Variants in ARHGAP24 observed in about 807,000 individuals in gnomAD.
ARHGAP24 encodes the protein Rho GTPase activating protein 24, also known as rho GTPase-activating protein 24.
ARHGAP24 carries 50 observed loss-of-function variants against 76.4 expected under a neutral mutation model. That is an observed-to-expected ratio of 0.65 (90% CI 0.52 to 0.83). The LOEUF is 0.83. ARHGAP24 is among the 40% of genes least tolerant of loss of function. The pLI is 0.00. For missense variants in ARHGAP24, 930 were observed against 914.2 expected (o/e 1.02, Z -0.22); for synonymous variants, 345 against 323.3 (o/e 1.07, Z -0.72).
chr4:85,736,387 A>AGAAG (rs970610452), intron 3 of ARHGAP24, among the ~76,000 whole-genome samples: 8 of 152,020 alleles, frequency 5.3e-5, no homozygotes, highest in Admixed American at 2.6e-4. Flanking sequence ...AAAGAAAGAA[A>AGAAG]GAAGGAAGGA....
intron 2 of ARHGAP24, among the ~76,000 whole-genome samples, chr4:85,662,631 T>C (rs1164103172): frequency 1.3e-5 from 2 of 152,008 alleles, no homozygotes; most frequent in African/African-American, 2.4e-5. Flanking sequence ...GGTTTTCTTC[T>C]AGGGTTTTTA....
At chr4:85,835,728 C>A (rs956054679) in intron 3 of ARHGAP24, among the ~76,000 whole-genome samples, 1 of 151,682 alleles carries the variant, frequency 6.6e-6, no homozygotes, top group Non-Finnish European at 1.5e-5. Flanking sequence ...CTCTGTTGCC[C>A]GGGCAGGAGT....
chr4:85,963,003 T>A (rs1035594519), intron 5 of ARHGAP24, among the ~76,000 whole-genome samples: 1 of 152,022 alleles, frequency 6.6e-6, no homozygotes, highest in African/African-American at 2.4e-5. Context: ...AATATATATG[T>A]ATCTGTATGT....
chr4:85,992,028 T>G (rs1439621356), intron 8 of ARHGAP24: 1 of 395,750 alleles, frequency 2.5e-6, no homozygotes, highest in Non-Finnish European at 4.5e-6. Flanking sequence ...CTGTATAAAA[T>G]TATATGGTTC....
intron 3 of ARHGAP24, among the ~76,000 whole-genome samples, chr4:85,894,993 ACAAAAAGC>A (rs1560701739): frequency 1.8e-4 from 4 of 22,164 alleles, no homozygotes; most frequent in Non-Finnish European, 2.9e-4. Flanking sequence ...AAAAAACAAA[ACAAAAAGC>A]AAAAAAAAAA....
chr4:85,855,719 A>G (rs1006125323), intron 3 of ARHGAP24, among the ~76,000 whole-genome samples: 1 of 151,706 alleles, frequency 6.6e-6, no homozygotes, highest in Admixed American at 6.6e-5. Flanking sequence ...TGGAGGTTGC[A>G]GTGATCTGAG....
intron 3 of ARHGAP24, among the ~76,000 whole-genome samples, chr4:85,899,473 T>C (rs530371637): frequency 2.6e-5 from 4 of 152,318 alleles, no homozygotes; most frequent in South Asian, 4.1e-4. Context: ...TTTTATTACG[T>C]AGAAACAGAA....
At chr4:85,737,412 G>T (rs1182105346) in intron 3 of ARHGAP24, among the ~76,000 whole-genome samples, 2 of 152,130 alleles carry the variant, frequency 1.3e-5, no homozygotes, top group Admixed American at 6.5e-5. Context: ...TACTACTGTT[G>T]GGATGACTCT....
intron 1 of ARHGAP24, among the ~76,000 whole-genome samples, chr4:85,508,594 A>G (rs763140960): frequency 1.6e-4 from 25 of 152,166 alleles, no homozygotes; most frequent in Non-Finnish European, 2.8e-4. Context: ...GCTCTGATAA[A>G]TCTTGTGTAA....
At chr4:85,957,260 A>G (rs1358463111) in intron 5 of ARHGAP24, among the ~76,000 whole-genome samples, 1 of 152,180 alleles carries the variant, frequency 6.6e-6, no homozygotes, top group Non-Finnish European at 1.5e-5. Flanking sequence ...AAATGTATTC[A>G]CAGTTTTCTT....
chr4:85,815,296 C>T (rs1445143306), intron 3 of ARHGAP24, among the ~76,000 whole-genome samples: 3 of 152,162 alleles, frequency 2.0e-5, no homozygotes, highest in Non-Finnish European at 4.4e-5. Flanking sequence ...TGAATTTCTC[C>T]TCAGAAAATT....
chr4:85,887,747 T>C (rs1214539415), intron 3 of ARHGAP24, among the ~76,000 whole-genome samples: 1 of 152,198 alleles, frequency 6.6e-6, no homozygotes, highest in Non-Finnish European at 1.5e-5. Flanking sequence ...TGATCTGAAA[T>C]ACTAAAGAAT....
intron 1 of ARHGAP24, among the ~76,000 whole-genome samples, chr4:85,563,385 C>T (rs930414859): frequency 7.9e-5 from 12 of 152,174 alleles, no homozygotes; most frequent in Non-Finnish European, 1.5e-4. Flanking sequence ...GTTCTGAAGC[C>T]TCTTTTCTTG....
At chr4:85,891,355 T>A (rs2148779549) in intron 3 of ARHGAP24, among the ~76,000 whole-genome samples, 1 of 130,656 alleles carries the variant, frequency 7.7e-6, no homozygotes, top group South Asian at 3.0e-4. Context: ...CTTTATTTCC[T>A]TCTCCTGCCT....
chr4:85,815,297 T>C (rs1729190442), intron 3 of ARHGAP24, among the ~76,000 whole-genome samples: 1 of 152,204 alleles, frequency 6.6e-6, no homozygotes, highest in Non-Finnish European at 1.5e-5. Context: ...GAATTTCTCC[T>C]CAGAAAATTG....
chr4:85,693,135 A>C (rs1163701970), intron 2 of ARHGAP24, among the ~76,000 whole-genome samples: 1 of 152,170 alleles, frequency 6.6e-6, no homozygotes, highest in Non-Finnish European at 1.5e-5. Flanking sequence ...TGTCCAGTAA[A>C]TAGGCTCAAA....
chr4:85,919,021 G>A (rs1382796440), intron 3 of ARHGAP24, among the ~76,000 whole-genome samples: 1 of 152,162 alleles, frequency 6.6e-6, no homozygotes, highest in African/African-American at 2.4e-5. Context: ...AAAGTAGAAT[G>A]TGTACTTGTT....
chr4:85,872,231 A>C (rs904168549), intron 3 of ARHGAP24, among the ~76,000 whole-genome samples: 2 of 152,028 alleles, frequency 1.3e-5, no homozygotes, highest in African/African-American at 2.4e-5. Flanking sequence ...TCTTATATTT[A>C]CATTAGGGAG....
intron 3 of ARHGAP24, among the ~76,000 whole-genome samples, chr4:85,813,145 A>G (rs1729083299): frequency 6.6e-6 from 1 of 152,220 alleles, no homozygotes. Flanking sequence ...ATTGCTCATC[A>G]TTGGATGACA....
Sources: allele counts gnomAD v4.1 joint callset (sites outside exome capture counted in the v4.1 genomes callset), GRCh38; gene constraint gnomAD v4.1.1; transcripts MANE v1.5; gene names NCBI Gene and HGNC (gene_info 2026-07-23, HGNC 2026-07-21).